Variants in PYGL observed in about 807,000 individuals in gnomAD.
PYGL encodes glycogen phosphorylase, liver form.
PYGL carries 90 observed loss-of-function variants against 100.1 expected under a neutral mutation model. That is an observed-to-expected ratio of 0.90 (90% CI 0.76 to 1.07). The LOEUF (loss-of-function observed/expected upper bound fraction) is 1.07. Among genes scored for constraint, PYGL ranks in the 50% least tolerant of loss-of-function variants. The pLI, the probability that PYGL is intolerant of heterozygous loss-of-function variation, is 0.00. For synonymous variants in PYGL, 373 were observed against 393.0 expected (o/e 0.95, Z 0.60); for missense variants, 1,016 against 1,057.6 (o/e 0.96, Z 0.55).
intron 19 of PYGL, chr14:50,907,992 C>T (rs1438376372): frequency 1.7e-5 from 6 of 347,004 alleles, no homozygotes; most frequent in Admixed American, 4.9e-5. Flanking sequence ...GCTGCACTCC[C>T]GTCTGAGTGA....
rs561688146 is a variant in PYGL, at chr14:50,910,148, C to A, written c.1970-46G>T. The A allele has an allele frequency of 2.6e-6, 4 of 1,557,348 alleles. No homozygotes were observed. The South Asian group carries it at 3.3e-5, about 13-fold the overall frequency. ...AATTAGTAATTTTGTCTGTCTAGAT[C>A]TGCTTGTATTGTATTGAAGCATTTA... On this transcript the variant is annotated intron_variant, in intron 16 of 19. Transcript: ENST00000216392.
chr14:50,909,322 AG>A (rs1456924444), intron 17 of PYGL, among the ~76,000 whole-genome samples: 1 of 152,220 alleles, frequency 6.6e-6, no homozygotes, highest in African/African-American at 2.4e-5. Context: ...GATTCTCAAA[AG>A]TTGTTGCTAC....
At position 50,915,252 on chromosome 14, in the gene PYGL, T is replaced by G. The variant is rs927333003; in HGVS notation, c.1403+84A>C. The G allele has an allele frequency of 3.3e-6, 5 of 1,505,202 alleles. No homozygotes were observed. In the Admixed American group the frequency reaches 8.4e-5, roughly 25 times the overall value. The allele number at this position is 1,505,202 out of a possible 1,614,324, so 93.2% of individuals were successfully genotyped here. A position where few individuals can be genotyped will look rare whatever the true frequency, so the allele number is the denominator to read the frequency against. ...AACATTTGAACAAGGCCTTTCCTCA[T>G]CCCTAAGTGCAACCCTGCATTTAGT... On this transcript the variant is annotated intron_variant, in intron 11 of 19. Transcript: ENST00000216392.
intron 4 of PYGL, among the ~76,000 whole-genome samples, chr14:50,929,043 A>G (rs1398936757): frequency 6.6e-6 from 1 of 151,816 alleles, no homozygotes; most frequent in African/African-American, 2.4e-5. Flanking sequence ...CTTTTATCTT[A>G]TTTTATTTTA....
chr14:50,924,127 A>C (rs1391467369), intron 4 of PYGL, 27 bp from the exon 5 acceptor site: 1 of 1,610,240 alleles, frequency 6.2e-7, no homozygotes, highest in South Asian at 1.1e-5. Context: ...TATTGCTTAG[A>C]ATTTATTTGT....
chr14:50,914,539 T>G (rs2050427921), intron 12 of PYGL, among the ~76,000 whole-genome samples, 162 bp downstream of exon 12: 1 of 150,622 alleles, frequency 6.6e-6, no homozygotes, highest in African/African-American at 2.5e-5. Flanking sequence ...TCAAGATGAC[T>G]ACAGCAGAGA....
At chr14:50,917,326 G>C (rs564348035) in intron 7 of PYGL, among the ~76,000 whole-genome samples, 1 of 152,292 alleles carries the variant, frequency 6.6e-6, no homozygotes, top group African/African-American at 2.4e-5. Context: ...AAGATAAAGA[G>C]GTTGGGATAA....
At chr14:50,912,624 G>A (rs953137237) in intron 13 of PYGL, among the ~76,000 whole-genome samples, 5 of 152,142 alleles carry the variant, frequency 3.3e-5, no homozygotes, top group African/African-American at 4.8e-5. Flanking sequence ...TTACAGGGAT[G>A]AGCCACCGCG....
At chr14:50,937,599 A>C in intron 2 of PYGL, 137 bp downstream of exon 2, 3 of 790,420 alleles carry the variant, frequency 3.8e-6, no homozygotes, top group Non-Finnish European at 6.4e-6. Flanking sequence ...TATTTCTAAA[A>C]GTTTGTAATA....
At position 50,935,133 on chromosome 14, in the gene PYGL, C is replaced by T. The variant is rs747636448; in HGVS notation, c.398G>A (p.Gly133Asp). Reference sequence around the variant, plus strand: ...AGCAAGTCTCCCAAGACCACCATTGCCAAGTCCAGCATCTTCTTCAATTTC... The same window carrying T: ...AGCAAGTCTCCCAAGACCACCATTGTCAAGTCCAGCATCTTCTTCAATTTC... The part of the protein sequence containing the change: ...LEEIEEDAGL[G>D]NGGLGRLAAC... The change falls in exon 3 of 20, where the codon GGC becomes GAC. Residue 133 changes from glycine to aspartate, a missense_variant. Coordinates refer to ENST00000216392, the MANE Select transcript of PYGL (RefSeq NM_002863.5). 3 of 1,612,832 alleles carry T rather than the reference C, an allele frequency of 1.9e-6. No individual in the cohort carries two copies. The highest frequency in any genetic ancestry group is 1.7e-6 in the Non-Finnish European group (2 of 1,178,822).
intron 1 of PYGL, among the ~76,000 whole-genome samples, chr14:50,942,753 G>C (rs1228101603): frequency 1.9e-5 from 2 of 104,686 alleles, no homozygotes; most frequent in Admixed American, 2.7e-4. Context: ...CCCTGGAGGC[G>C]AAGGATGCAG....
chr14:50,927,308 T>C (rs559407414), intron 4 of PYGL, among the ~76,000 whole-genome samples: 5 of 152,332 alleles, frequency 3.3e-5, no homozygotes, highest in Non-Finnish European at 5.9e-5. Context: ...CACTGCAACA[T>C]ATGCCTCCCA....
chr14:50,911,756 T>C lies in PYGL; in HGVS notation c.1943A>G (p.Asn648Ser). The C allele has an allele frequency of 1.2e-6, 2 of 1,614,194 alleles. No homozygotes were observed. Among genetic ancestry groups the C allele is most frequent in the Non-Finnish European group, 1.7e-6 (2 of 1,180,022 alleles). Residue 648 changes from asparagine (N) to serine (S), a missense_variant, in exon 16 of 20, where the codon AAC (asparagine) becomes AGC (serine). Asn to Ser is a conservative substitution (Grantham distance 46). Transcript: ENST00000216392. Reference sequence around the variant, plus strand: ...TTTTTCAGCAAGAGATACTCTGTAGTTCTCCAAGAAGATGACTTTCAACTT... The same window carrying C: ...TTTTTCAGCAAGAGATACTCTGTAGCTCTCCAAGAAGATGACTTTCAACTT... ...GSKLKVIFLENYRVSLAEKVI... is the reference protein window; with the variant it reads ...GSKLKVIFLESYRVSLAEKVI...
At chr14:50,908,055 T>G in intron 19 of PYGL, 2 of 408,760 alleles carry the variant, frequency 4.9e-6, no homozygotes, top group Non-Finnish European at 8.7e-6. Flanking sequence ...CAACTCCTGC[T>G]GAAATGTCAA....
intron 1 of PYGL, 33 bp downstream of exon 1, chr14:50,944,128 T>C (rs763683101): frequency 6.3e-7 from 1 of 1,578,786 alleles, no homozygotes; most frequent in South Asian, 1.1e-5. Flanking sequence ...GACTCCGGGC[T>C]GGACCCCGGC....
At position 50,935,171 on chromosome 14, in the gene PYGL, T is replaced by A. The variant is rs1159794818; in HGVS notation, c.360A>T (p.Ile120=). 1.2e-6 allele frequency: 2 copies of A among 1,612,108 alleles called. No homozygotes were observed. The highest frequency in any genetic ancestry group is 1.7e-6 in the Non-Finnish European group (2 of 1,178,184). Residue 120 remains isoleucine, a synonymous_variant, in exon 3 of 20, where the codon ATA becomes ATT. Transcript: ENST00000216392. ...DEAIYQLGLD[I]EELEEIEEDA... The stretch of plus-strand genomic sequence containing the variant: ...CTTCTTCAATTTCTTCTAACTCTTC[T>A]ATATCCAATCCAAGCTGGTAATGAA...
At chr14:50,921,977 CTGAGT>C (rs1471663616) in intron 5 of PYGL, among the ~76,000 whole-genome samples, 1 of 152,196 alleles carries the variant, frequency 6.6e-6, no homozygotes, top group Non-Finnish European at 1.5e-5. Flanking sequence ...TGATAATTAG[CTGAGT>C]TGAGTCTAAG....
At chr14:50,941,359 C>G (rs1422124812) in intron 1 of PYGL, among the ~76,000 whole-genome samples, 1 of 152,196 alleles carries the variant, frequency 6.6e-6, no homozygotes, top group Non-Finnish European at 1.5e-5. Flanking sequence ...TATCCTTATT[C>G]AGCCTCAGGC....
chr14:50,916,483 T>C, intron 9 of PYGL, 159 bp downstream of exon 9: 1 of 714,902 alleles, frequency 1.4e-6, no homozygotes, highest in Non-Finnish European at 2.5e-6. Context: ...TATAAAACTC[T>C]AAGGATGGAA....
Sources: gnomAD v4.1 joint callset for allele counts (sites outside exome capture counted in the v4.1 genomes callset) on GRCh38, gnomAD v4.1.1 for gene constraint, MANE v1.5 for transcripts, NCBI Gene and HGNC (gene_info 2026-07-23, HGNC 2026-07-21) for gene names.